DTD1: variants seen among roughly 807,000 people sequenced by gnomAD.
DTD1 encodes D-aminoacyl-tRNA deacylase 1.
DTD1 carries 13 observed loss-of-function variants against 25.6 expected under a neutral mutation model. The ratio of observed to expected loss-of-function variants is 0.51; its 90% CI spans 0.33 to 0.81. The LOEUF is 0.81. Ranked by LOEUF, DTD1 falls within the 30% of genes least tolerant of loss-of-function variation. The probability of loss-of-function intolerance (pLI) is 0.02; values close to 1 mark genes in which losing one functional copy is unlikely to be tolerated. For missense variants in DTD1, 193 were observed against 266.4 expected, an observed-to-expected ratio of 0.72 and a Z score of 1.92; for synonymous variants, 110 against 103.6, an observed-to-expected ratio of 1.06 and a Z score of -0.37.
intron 4 of DTD1, among the ~76,000 whole-genome samples, chr20:18,673,197 T>C (rs1400816184): frequency 1.3e-5 from 2 of 152,250 alleles, no homozygotes; most frequent in Non-Finnish European, 2.9e-5. Context: ...CTGTCCAGTA[T>C]GTTCAAGTCC....
intron 4 of DTD1, among the ~76,000 whole-genome samples, chr20:18,689,598 T>G (rs1281430218): frequency 6.6e-6 from 1 of 152,214 alleles, no homozygotes; most frequent in Non-Finnish European, 1.5e-5. Context: ...GGAAGGATGT[T>G]GGTATTTTAT....
chr20:18,676,392 GT>G (rs1027966751), intron 4 of DTD1, among the ~76,000 whole-genome samples: 4 of 152,132 alleles, frequency 2.6e-5, no homozygotes, highest in African/African-American at 7.2e-5. Context: ...AGTTTGCCTT[GT>G]TTTTTTAAAA....
At chr20:18,751,115 A>G (rs547651076) in intron 5 of DTD1, among the ~76,000 whole-genome samples, 10 of 151,612 alleles carry the variant, frequency 6.6e-5, no homozygotes, top group African/African-American at 2.4e-4. Flanking sequence ...AAAGGTATTC[A>G]GTCCCTTTTC....
intron 4 of DTD1, among the ~76,000 whole-genome samples, chr20:18,692,577 T>G (rs190740651): frequency 1.3e-5 from 2 of 152,294 alleles, no homozygotes; most frequent in African/African-American, 2.4e-5. Context: ...TGGCACTGAT[T>G]GAGTTGTTGC....
rs143549269 is a variant in DTD1, at chr20:18,715,342, C to T, written c.478-28758C>T. On this transcript the variant is annotated intron_variant, in intron 4 of 5. Coordinates refer to ENST00000377452, the MANE Select transcript of DTD1 (RefSeq NM_080820.6). ...GCTCCAGGCTGAGTCAGCCTCCCCA[C>T]CCACCCTAGCAGTTGGGGAACTCTT... Among the ~76,000 whole-genome samples, 50 of 152,274 alleles carry T rather than the reference C, an allele frequency of 3.3e-4. No individual in the cohort carries two copies. In the East Asian group the frequency reaches 9.5e-3, roughly 29 times the overall value.
intron 4 of DTD1, among the ~76,000 whole-genome samples, chr20:18,737,198 C>T (rs1020607058): frequency 6.6e-6 from 1 of 152,232 alleles, no homozygotes; most frequent in Non-Finnish European, 1.5e-5. Flanking sequence ...TCCTTGTCTT[C>T]AGTCATCTCT....
intron 4 of DTD1, among the ~76,000 whole-genome samples, chr20:18,720,099 T>C (rs967520803): frequency 1.3e-5 from 2 of 152,210 alleles, no homozygotes; most frequent in Non-Finnish European, 2.9e-5. Flanking sequence ...CAGAGTTTCT[T>C]CTGGGATTTG....
intron 1 of DTD1, chr20:18,588,769 T>C: frequency 1.0e-6 from 1 of 985,258 alleles, no homozygotes; most frequent in Non-Finnish European, 1.2e-6. Flanking sequence ...ATTTCTCTTT[T>C]TCTTGTGGAC....
At chr20:18,658,421 G>C (rs1461820719) in intron 4 of DTD1, among the ~76,000 whole-genome samples, 2 of 151,744 alleles carry the variant, frequency 1.3e-5, no homozygotes, top group Non-Finnish European at 2.9e-5. Context: ...CGCCTCCCAG[G>C]TTCATGCCAT....
chr20:18,676,720 C>T (rs2060976597), intron 4 of DTD1, among the ~76,000 whole-genome samples: 1 of 152,190 alleles, frequency 6.6e-6, no homozygotes, highest in Non-Finnish European at 1.5e-5. Flanking sequence ...CTGTCTTCAC[C>T]GACGGCTGCT....
intron 5 of DTD1, among the ~76,000 whole-genome samples, chr20:18,759,851 C>T (rs1382064407): frequency 6.6e-6 from 1 of 152,214 alleles, no homozygotes; most frequent in Non-Finnish European, 1.5e-5. Flanking sequence ...GTTCCATTCT[C>T]CCCGTCACTT....
chr20:18,744,958 G>A (rs1337333495), intron 5 of DTD1, among the ~76,000 whole-genome samples: 1 of 152,146 alleles, frequency 6.6e-6, no homozygotes, highest in Non-Finnish European at 1.5e-5. Context: ...GCCCACCTGG[G>A]GGTGGAACCT....
At chr20:18,699,956 A>G (rs976089039) in intron 4 of DTD1, among the ~76,000 whole-genome samples, 1 of 152,234 alleles carries the variant, frequency 6.6e-6, no homozygotes, top group Non-Finnish European at 1.5e-5. Flanking sequence ...TACTGTTGGT[A>G]ACATAGCATT....
chr20:18,632,778 T>C, intron 4 of DTD1: 1 of 495,980 alleles, frequency 2.0e-6, no homozygotes, highest in Non-Finnish European at 2.6e-6. Context: ...GATGTGTGTG[T>C]GTATATGGAT....
At chr20:18,655,277 A>C (rs2060887592) in intron 4 of DTD1, among the ~76,000 whole-genome samples, 1 of 152,210 alleles carries the variant, frequency 6.6e-6, no homozygotes, top group Non-Finnish European at 1.5e-5. Context: ...TACTGAATTT[A>C]TGTGAATGAT....
intron 4 of DTD1, among the ~76,000 whole-genome samples, chr20:18,742,241 G>A (rs181706158): frequency 1.3e-5 from 2 of 152,232 alleles, no homozygotes; most frequent in African/African-American, 2.4e-5. Context: ...GGGAGTTTTC[G>A]GAGGAGAGTT....
intron 4 of DTD1, among the ~76,000 whole-genome samples, chr20:18,663,098 C>T (rs1177475216): frequency 1.3e-5 from 2 of 152,152 alleles, no homozygotes; most frequent in Non-Finnish European, 2.9e-5. Flanking sequence ...CAGTGTTAAC[C>T]TCTCTATTAA....
chr20:18,712,194 A>C (rs899480354), intron 4 of DTD1, among the ~76,000 whole-genome samples: 1 of 152,008 alleles, frequency 6.6e-6, no homozygotes, highest in African/African-American at 2.4e-5. Flanking sequence ...CCAGTGTTTC[A>C]TCTTTGTTTT....
chr20:18,631,084 CA>C, intron 4 of DTD1: 1 of 985,428 alleles, frequency 1.0e-6, no homozygotes, highest in Non-Finnish European at 1.2e-6. Context: ...TCATTCACAG[CA>C]GACAGCTCTC....
Sources: gnomAD v4.1 joint callset for allele counts (sites outside exome capture counted in the v4.1 genomes callset) on GRCh38, gnomAD v4.1.1 for gene constraint, MANE v1.5 for transcripts, NCBI Gene and HGNC (gene_info 2026-07-23, HGNC 2026-07-21) for gene names.